Variants in MYO16 observed in about 807,000 individuals in gnomAD.
MYO16 encodes myosin XVI, also known as unconventional myosin-XVI.
Under a neutral mutation model 205.3 loss-of-function variants are expected in MYO16, and 94 were observed. The observed-to-expected ratio is 0.46, with a 90% confidence interval of 0.39 to 0.54. MYO16 has a LOEUF of 0.54. Among genes scored for constraint, MYO16 ranks in the 20% least tolerant of loss-of-function variants. MYO16 has a pLI of 0.00. For synonymous variants in MYO16, 988 were observed against 954.0 expected (o/e 1.04, Z -0.66); for missense variants, 2,315 against 2,387.5 (o/e 0.97, Z 0.63).
chr13:108,967,631 A>G (rs1883847322), intron 20 of MYO16, among the ~76,000 whole-genome samples: 1 of 152,208 alleles, frequency 6.6e-6, no homozygotes, highest in Non-Finnish European at 1.5e-5. Flanking sequence ...AACACACTGA[A>G]ATTTTATTTA....
chr13:108,520,566 C>A, the MYO16 span, among the ~76,000 whole-genome samples: 1 of 152,216 alleles, frequency 6.6e-6, no homozygotes, highest in East Asian at 1.9e-4. Context: ...GCACATTAAA[C>A]AAAATTGCTA....
intron 1 of MYO16, among the ~76,000 whole-genome samples, chr13:108,652,461 C>T (rs72664970): frequency 0.014 from 2,174 of 152,248 alleles, 37 homozygotes; most frequent in South Asian, 0.049. Flanking sequence ...TTTAAGTGTA[C>T]AGTTCAGGAA....
chr13:109,102,966 G>C (rs1218763294), intron 28 of MYO16, among the ~76,000 whole-genome samples: 1 of 152,124 alleles, frequency 6.6e-6, no homozygotes, highest in Non-Finnish European at 1.5e-5. Flanking sequence ...CTCATTCACT[G>C]AGTATATTTG....
chr13:108,625,735 C>T (rs1879710848), upstream of MYO16, among the ~76,000 whole-genome samples: 1 of 152,170 alleles, frequency 6.6e-6, no homozygotes, highest in Non-Finnish European at 1.5e-5. Flanking sequence ...ATTTGCATAA[C>T]AAAAAACTGT....
intron 4 of MYO16, among the ~76,000 whole-genome samples, chr13:108,753,197 G>C (rs938616231): frequency 6.6e-6 from 1 of 151,628 alleles, no homozygotes; most frequent in African/African-American, 2.4e-5. Context: ...GTGAAACCCT[G>C]TCTCTACTAA....
In MYO16 at chr13:109,085,017, G is replaced by A. The variant is rs180993231; in HGVS notation, c.3336-15768G>A. Among the ~76,000 whole-genome samples the A allele has an allele frequency of 4.6e-5, 7 of 152,208 alleles. No homozygotes were observed. The East Asian group carries it at 5.8e-4, about 13-fold the overall frequency. ...CTTTAAGACCACTTAAAATGAGCCC[G>A]AAAGGGGTGTACACACAAGCAGGTG... is the stretch of plus-strand genomic sequence containing the variant. On this transcript the variant is annotated intron_variant, in intron 27 of 34. Coordinates refer to ENST00000457511, the MANE Select transcript of MYO16 (RefSeq NM_001198950.3).
intron 27 of MYO16, among the ~76,000 whole-genome samples, chr13:109,057,473 A>G (rs962869753): frequency 2.6e-5 from 4 of 152,158 alleles, no homozygotes; most frequent in African/African-American, 9.6e-5. Context: ...TTACACAGAA[A>G]TAAATCAAAG....
At chr13:109,092,365 A>G (rs1008742198) in intron 27 of MYO16, among the ~76,000 whole-genome samples, 12 of 152,318 alleles carry the variant, frequency 7.9e-5, no homozygotes, top group African/African-American at 2.9e-4. Context: ...GATAAAGAAA[A>G]TGTGGTACAT....
chr13:108,970,788 A>T (rs900290817), intron 20 of MYO16, among the ~76,000 whole-genome samples: 2 of 152,090 alleles, frequency 1.3e-5, no homozygotes, highest in African/African-American at 2.4e-5. Flanking sequence ...CCGATAGTCC[A>T]GGGCAACCCT....
intron 23 of MYO16, among the ~76,000 whole-genome samples, chr13:109,031,030 A>G (rs1886532501): frequency 6.6e-6 from 1 of 152,148 alleles, no homozygotes; most frequent in Admixed American, 6.5e-5. Flanking sequence ...TAGTTCCTCA[A>G]CACTAATTGA....
intron 11 of MYO16, among the ~76,000 whole-genome samples, chr13:108,865,346 T>A (rs769216651): frequency 2.0e-5 from 3 of 152,204 alleles, no homozygotes; most frequent in Non-Finnish European, 2.9e-5. Context: ...TTTAGTCTTC[T>A]AGAAATTTAG....
chr13:109,164,577 C>T (rs928807529), intron 32 of MYO16, among the ~76,000 whole-genome samples: 2 of 152,140 alleles, frequency 1.3e-5, no homozygotes, highest in Non-Finnish European at 2.9e-5. Flanking sequence ...ATTCAGAAAA[C>T]TCCTGAAACA....
chr13:108,709,135 C>T (rs1281916614), intron 2 of MYO16, among the ~76,000 whole-genome samples: 1 of 152,160 alleles, frequency 6.6e-6, no homozygotes, highest in Non-Finnish European at 1.5e-5. Flanking sequence ...ATTTGGTCCC[C>T]AGATGGCTGT....
intron 2 of MYO16, among the ~76,000 whole-genome samples, chr13:108,678,135 CACTT>C (rs1344236600): frequency 3.3e-5 from 5 of 152,228 alleles, no homozygotes; most frequent in African/African-American, 1.2e-4. Context: ...TCAGAGAAAT[CACTT>C]ACTGAGTGCA....
intron 4 of MYO16, among the ~76,000 whole-genome samples, chr13:108,745,479 A>T (rs1885031890): frequency 6.6e-6 from 1 of 152,186 alleles, no homozygotes; most frequent in African/African-American, 2.4e-5. Flanking sequence ...GGAAGCACAA[A>T]GTCAAGAGAG....
At chr13:108,521,916 A>G in the MYO16 span, among the ~76,000 whole-genome samples, 2 of 152,264 alleles carry the variant, frequency 1.3e-5, no homozygotes, top group Non-Finnish European at 2.9e-5. Context: ...TGATATAAAT[A>G]TGACTTGAAT....
At chr13:108,902,492 A>G (rs778775919) in intron 15 of MYO16, among the ~76,000 whole-genome samples, 8 of 152,226 alleles carry the variant, frequency 5.3e-5, no homozygotes, top group Non-Finnish European at 1.0e-4. Flanking sequence ...GCAGTAGCAA[A>G]TGAACACCAG....
intron 19 of MYO16, 54 bp downstream of exon 19, chr13:108,962,549 T>A: frequency 7.9e-7 from 1 of 1,267,832 alleles, no homozygotes; most frequent in South Asian, 1.3e-5. Flanking sequence ...AATATGAAAA[T>A]TAAATACAGT....
At chr13:109,168,789 TTAAA>T (rs1878803902) in intron 33 of MYO16, among the ~76,000 whole-genome samples, 1 of 152,026 alleles carries the variant, frequency 6.6e-6, no homozygotes, top group African/African-American at 2.4e-5. Flanking sequence ...ACAAAATAAA[TTAAA>T]AAGCAAAATA....
Sources: allele counts gnomAD v4.1 joint callset (sites outside exome capture counted in the v4.1 genomes callset), GRCh38; gene constraint gnomAD v4.1.1; transcripts MANE v1.5; gene names NCBI Gene and HGNC (gene_info 2026-07-23, HGNC 2026-07-21).